The following CDR2L variants were observed in gnomAD, a reference collection of about 807,000 sequenced individuals.
CDR2L encodes the protein cerebellar degeneration related protein 2 like, also known as cerebellar degeneration-related protein 2-like.
Under a neutral mutation model 36.1 loss-of-function variants are expected in CDR2L, and 19 were observed. That is an observed-to-expected ratio of 0.53 (90% CI 0.37 to 0.77). The LOEUF is 0.77. CDR2L is among the 30% of genes least tolerant of loss of function. CDR2L has a pLI of 0.00. For missense variants in CDR2L, 575 were observed against 627.2 expected (o/e 0.92, Z 0.89); for synonymous variants, 285 against 280.4 (o/e 1.02, Z -0.16).
At position 75,003,596 on chromosome 17, in the gene CDR2L, CCTCTCCAGGCCACGTGGTGCG is replaced by C. The variant is rs745623256; in HGVS notation, c.922_942del (p.Ser308_Arg314del). ...CAGGACGGGGTCTCCTCACCGGCAG[CCTCTCCAGGCCACGTGGTGCG>C]CAAGAGCTGCAGCGACACTGCGCTC... On this transcript the variant is annotated inframe_deletion, in exon 5 of 5. Coordinates refer to ENST00000337231, the MANE Select transcript of CDR2L (RefSeq NM_014603.3). 354 of 1,498,638 alleles carry C rather than the reference CCTCTCCAGGCCACGTGGTGCG, an allele frequency of 2.4e-4. 1 individual carries two copies. The highest frequency in any genetic ancestry group is 1.3e-4 in the Non-Finnish European group (148 of 1,124,180). 92.8% of individuals were successfully genotyped at this position (1,498,638 alleles called of 1,614,324 possible). A position where few individuals can be genotyped will look rare whatever the true frequency, so the allele number is the denominator to read the frequency against.
Position 75,004,373 on chromosome 17 carries a change from G to A in CDR2L, c.*299G>A, listed in dbSNP as rs980651208. Reference sequence around the variant, plus strand: ...CCAGCCCCTGGCTTCCTGACCCTGCGCCTCACCCTCAGACTGGTGACCAGG... The same window carrying A: ...CCAGCCCCTGGCTTCCTGACCCTGCACCTCACCCTCAGACTGGTGACCAGG... On this transcript the variant is annotated 3_prime_UTR_variant, in exon 5 of 5. Coordinates refer to ENST00000337231, the MANE Select transcript of CDR2L (RefSeq NM_014603.3). 4 of 338,962 alleles carry A rather than the reference G, an allele frequency of 1.2e-5. No homozygotes were observed. Among genetic ancestry groups the A allele is most frequent in the African/African-American group, 2.1e-5 (1 of 46,674 alleles). The allele number at this position is 338,962 out of a possible 1,614,324, so 21.0% of individuals were successfully genotyped here.
At chr17:74,998,494 AC>A (rs2039844619) in intron 1 of CDR2L, among the ~76,000 whole-genome samples, 1 of 150,956 alleles carries the variant, frequency 6.6e-6, no homozygotes, top group Non-Finnish European at 1.5e-5. Flanking sequence ...TACTCACTGC[AC>A]CCCAGCCTGG....
At chr17:74,997,600 C>A (rs1435653272) in intron 1 of CDR2L, among the ~76,000 whole-genome samples, 1 of 152,100 alleles carries the variant, frequency 6.6e-6, no homozygotes, top group African/African-American at 2.4e-5. Context: ...CATAAAAATC[C>A]CTGCCCTGCC....
rs1346263822 is a variant in CDR2L, at chr17:74,989,836, A to G, written c.79+1714A>G. ...GTATTTTTAGTAGAGACAGGGTTTC[A>G]CCATGTTGGCCAGGCTGCTCTCAAA... On this transcript the variant is annotated intron_variant, in intron 1 of 4. Transcript: ENST00000337231. This position sits in a 1 kb window ranked among gnomAD's most constrained non-coding sequence, Gnocchi z 4.2. Among the ~76,000 whole-genome samples the G allele has an allele frequency of 6.6e-6, 1 of 151,880 alleles. No individual in the cohort carries two copies. The highest frequency in any genetic ancestry group is 6.6e-5 in the Admixed American group (1 of 15,250).
chr17:74,994,323 G>A (rs1239957916), intron 1 of CDR2L, among the ~76,000 whole-genome samples: 1 of 152,206 alleles, frequency 6.6e-6, no homozygotes, highest in Non-Finnish European at 1.5e-5. Flanking sequence ...CAGTAGAGTT[G>A]CCTTTATGCA....
rs561780153 is a variant in CDR2L at position 74,990,246 on chromosome 17, G to A, written c.79+2124G>A. 3.2e-4 allele frequency among the ~76,000 whole-genome samples: 48 copies of A among 152,308 alleles called. 2 individuals are homozygous for A. The highest frequency in any genetic ancestry group is 2.3e-3 in the South Asian group (11 of 4,830). On this transcript the variant is annotated intron_variant, in intron 1 of 4. Coordinates refer to ENST00000337231, the MANE Select transcript of CDR2L (RefSeq NM_014603.3). ...CTGGGCTGCCGGGAGGGATGGGCCCGGCAGGCCTCTGCTTCTCTGGCCCTG... is the reference window on the plus strand; with the variant it reads ...CTGGGCTGCCGGGAGGGATGGGCCCAGCAGGCCTCTGCTTCTCTGGCCCTG...
In CDR2L at chr17:75,004,301, A is replaced by G. The variant is rs1450665915; in HGVS notation, c.*227A>G. ...GCGCCAGCCCAAAGGCGCAGCTCTG[A>G]GTTCAAAGCCAAATGTCCCCACTAC... On this transcript the variant is annotated 3_prime_UTR_variant, in exon 5 of 5. Coordinates refer to ENST00000337231, the MANE Select transcript of CDR2L (RefSeq NM_014603.3). 12 of 502,148 alleles carry G rather than the reference A, an allele frequency of 2.4e-5. No individual in the cohort carries two copies. The highest frequency in any genetic ancestry group is 4.2e-5 in the Non-Finnish European group (12 of 283,774). 31.1% of individuals were successfully genotyped at this position (502,148 alleles called of 1,614,324 possible).
chr17:75,001,941 G>C lies in CDR2L; in HGVS notation c.342-123G>C. The stretch of plus-strand genomic sequence containing the variant: ...CCATCCTACCTCAGGACCAGACAGC[G>C]GCTCAAGGGTACCTGTCTGCCTCCT... On this transcript the variant is annotated intron_variant, in intron 3 of 4. Coordinates refer to ENST00000337231, the MANE Select transcript of CDR2L (RefSeq NM_014603.3). 4 of 792,122 alleles carry C rather than the reference G, an allele frequency of 5.0e-6. 1 individual carries two copies. The Middle Eastern group carries it at 1.1e-3, about 226-fold the overall frequency. 49.1% of individuals were successfully genotyped at this position (792,122 alleles called of 1,614,324 possible). A position where few individuals can be genotyped will look rare whatever the true frequency, so the allele number is the denominator to read the frequency against.
intron 3 of CDR2L, 28 bp downstream of exon 3, chr17:75,001,517 C>T (rs765581928): frequency 1.1e-5 from 17 of 1,498,222 alleles, no homozygotes; most frequent in Middle Eastern, 3.8e-4. Context: ...GGCTGGGGGG[C>T]GGGCGAGGGA....
intron 2 of CDR2L, among the ~76,000 whole-genome samples, chr17:75,000,028 C>T (rs1188635017): frequency 6.6e-6 from 1 of 152,128 alleles, no homozygotes; most frequent in Non-Finnish European, 1.5e-5. Flanking sequence ...GGGCTGCTGG[C>T]TCATGCTTGT....
chr17:74,992,539 G>C (rs1206286238), intron 1 of CDR2L, among the ~76,000 whole-genome samples: 1 of 152,088 alleles, frequency 6.6e-6, no homozygotes, highest in Admixed American at 6.6e-5. Context: ...TGAGCCTGGA[G>C]CCATCACCCA....
intron 1 of CDR2L, among the ~76,000 whole-genome samples, chr17:74,991,746 T>C (rs1224563925): frequency 7.1e-6 from 1 of 140,994 alleles, no homozygotes; most frequent in Non-Finnish European, 1.6e-5. Flanking sequence ...GAAAAAGCCA[T>C]TAATTATTAA....
In CDR2L at chr17:74,987,955, G is replaced by A. The variant is rs1476609918; in HGVS notation, c.-89G>A. The A allele has an allele frequency of 1.4e-5, 9 of 633,656 alleles. No homozygotes were observed. The highest frequency in any genetic ancestry group is 1.8e-5 in the Non-Finnish European group (8 of 438,286). The allele number at this position is 633,656 out of a possible 1,614,324, so 39.3% of individuals were successfully genotyped here. On this transcript the variant is annotated 5_prime_UTR_variant, in exon 1 of 5. Coordinates refer to ENST00000337231, the MANE Select transcript of CDR2L (RefSeq NM_014603.3). ...GTAGCCCGAGTTCCCGACGCTGGAG[G>A]CCCGGCCCGCCTCAGCCGCATTGTC...
Position 74,989,410 on chromosome 17 carries a change from A to AACACACACACACACACACACACACACAC in CDR2L, c.79+1298_79+1325dup, listed in dbSNP as rs61110164. Among the ~76,000 whole-genome samples the AACACACACACACACACACACACACACAC allele has an allele frequency of 2.3e-5, 3 of 130,684 alleles. No individual in the cohort carries two copies. The highest frequency in any genetic ancestry group is 6.0e-5 in the African/African-American group (2 of 33,300). The allele number at this position is 130,684 out of a possible 152,430, so 85.7% of individuals were successfully genotyped here. A position where few individuals can be genotyped will look rare whatever the true frequency, so the allele number is the denominator to read the frequency against. ...CTGAAATGAGATACAGCTCCTCTCAAACACACACACACACACACACACACA... is the reference window on the plus strand; with the variant it reads ...CTGAAATGAGATACAGCTCCTCTCAAACACACACACACACACACACACACACACACACACACACACACACACACACACA... On this transcript the variant is annotated intron_variant, in intron 1 of 4. Transcript: ENST00000337231. The surrounding 1 kb of genome is among the most constrained non-coding windows in gnomAD (Gnocchi z 4.2).
intron 1 of CDR2L, among the ~76,000 whole-genome samples, chr17:74,993,005 G>A (rs574259009): frequency 1.3e-5 from 2 of 152,328 alleles, no homozygotes; most frequent in South Asian, 2.1e-4. Context: ...CATGTCCTCC[G>A]ACACCCACGG....
chr17:75,001,600 C>T, intron 3 of CDR2L, 111 bp downstream of exon 3: 1 of 1,021,052 alleles, frequency 9.8e-7, no homozygotes, highest in East Asian at 2.9e-5. Flanking sequence ...CCCTAGGAAC[C>T]GGGGATGGGA....
rs957019006 is a variant in CDR2L at position 74,989,960 on chromosome 17, G to C, written c.79+1838G>C. On this transcript the variant is annotated intron_variant, in intron 1 of 4. Transcript: ENST00000337231. This position sits in a 1 kb window ranked among gnomAD's most constrained non-coding sequence, Gnocchi z 4.2. ...GGCTGGTGGCACAGTATTATGGGCA[G>C]TGGGGAGGGCTTCCTGGAAGAGCCA... Among the ~76,000 whole-genome samples, 2 of 152,212 alleles carry C rather than the reference G, an allele frequency of 1.3e-5. No homozygotes were observed. The highest frequency in any genetic ancestry group is 4.8e-5 in the African/African-American group (2 of 41,464).
chr17:75,001,640 T>C (rs533428812), intron 3 of CDR2L, among the ~76,000 whole-genome samples, 151 bp downstream of exon 3: 1 of 152,242 alleles, frequency 6.6e-6, no homozygotes, highest in South Asian at 2.1e-4. Flanking sequence ...TTTTGTGTGG[T>C]TTAACATTCA....
chr17:75,001,298 C>T, intron 2 of CDR2L, 43 bp from the exon 3 acceptor site: 1 of 1,556,158 alleles, frequency 6.4e-7, no homozygotes, highest in Non-Finnish European at 8.7e-7. Flanking sequence ...ACATTTGCCC[C>T]TGCCCAATTC....
Sources: allele counts gnomAD v4.1 joint callset (sites outside exome capture counted in the v4.1 genomes callset), GRCh38; gene constraint gnomAD v4.1.1; non-coding constraint Gnocchi (gnomAD v3.1); transcripts MANE v1.5; gene names NCBI Gene and HGNC (gene_info 2026-07-23, HGNC 2026-07-21).